SLF2: variants seen among roughly 807,000 people sequenced by gnomAD.
SLF2 encodes SMC5-SMC6 complex localization factor protein 2.
In SLF2, 68 loss-of-function variants were observed where a neutral mutation model predicts 124.3. The ratio of observed to expected loss-of-function variants is 0.55; its 90% confidence interval spans 0.45 to 0.67. The LOEUF is 0.67. Ranked by LOEUF, SLF2 falls within the 30% of genes least tolerant of loss-of-function variation. SLF2 has a pLI of 0.00. For synonymous variants in SLF2, 480 were observed against 478.8 expected (o/e 1.00, Z -0.03); for missense variants, 1,246 against 1,373.7 (o/e 0.91, Z 1.47).
chr10:100,943,993 T>C (rs761831776), intron 11 of SLF2, 33 bp from the exon 12 acceptor site: 2 of 1,438,130 alleles, frequency 1.4e-6, no homozygotes, highest in Admixed American at 4.2e-5. Context: ...ATTTTGTGCC[T>C]AACTTCACAT....
intron 17 of SLF2, among the ~76,000 whole-genome samples, chr10:100,952,002 G>T (rs1850224006): frequency 6.6e-6 from 1 of 152,156 alleles, no homozygotes; most frequent in Non-Finnish European, 1.5e-5. Flanking sequence ...CCAGCACTTT[G>T]GGAGGGTGCG....
intron 1 of SLF2, chr10:100,913,461 A>C (rs1300800056): frequency 1.5e-6 from 2 of 1,315,440 alleles, no homozygotes; most frequent in East Asian, 3.1e-5. Context: ...CTCTTGGTCT[A>C]GTGACCACCA....
chr10:100,923,028 G>A (rs924261084), intron 4 of SLF2, among the ~76,000 whole-genome samples: 9 of 151,920 alleles, frequency 5.9e-5, no homozygotes, highest in Admixed American at 1.3e-4. Flanking sequence ...TGCCCACTCC[G>A]GCCTCCCAAA....
chr10:100,955,088 C>T (rs1398016137), intron 17 of SLF2, among the ~76,000 whole-genome samples: 2 of 151,786 alleles, frequency 1.3e-5, no homozygotes, highest in African/African-American at 2.4e-5. Context: ...TACAGGTACC[C>T]GCCACCACGC....
intron 9 of SLF2, among the ~76,000 whole-genome samples, chr10:100,935,305 G>T (rs1392955088): frequency 6.6e-6 from 1 of 152,078 alleles, no homozygotes; most frequent in Non-Finnish European, 1.5e-5. Context: ...TGAGGCAGGA[G>T]AATCGCTTGA....
chr10:100,922,148 A>G (rs564869155), intron 4 of SLF2, among the ~76,000 whole-genome samples: 42 of 152,198 alleles, frequency 2.8e-4, no homozygotes, highest in Non-Finnish European at 5.3e-4. Flanking sequence ...CAATGGCACA[A>G]TTACAGCTCA....
chr10:100,926,070 T>C (rs748755179), intron 6 of SLF2, 51 bp downstream of exon 6: 5 of 1,614,066 alleles, frequency 3.1e-6, no homozygotes, highest in Non-Finnish European at 4.2e-6. Context: ...TGCTTGTTTG[T>C]GTGGCTTACT....
At chr10:100,923,158 G>A (rs1849551026) in intron 4 of SLF2, among the ~76,000 whole-genome samples, 1 of 152,140 alleles carries the variant, frequency 6.6e-6, no homozygotes, top group Admixed American at 6.5e-5. Flanking sequence ...AATAAATATA[G>A]CTTATATTAG....
At chr10:100,923,345 C>G (rs1347353495) in intron 4 of SLF2, among the ~76,000 whole-genome samples, 1 of 152,130 alleles carries the variant, frequency 6.6e-6, no homozygotes, top group Non-Finnish European at 1.5e-5. Flanking sequence ...TGGTGTTTGC[C>G]TGCAATCTTT....
Position 100,962,111 on chromosome 10 carries a change from G to T in SLF2, c.*199G>T. 1 of 471,180 alleles carries T rather than the reference G, an allele frequency of 2.1e-6. No homozygotes were observed. Among genetic ancestry groups the T allele is most frequent in the Non-Finnish European group, 3.7e-6 (1 of 268,630 alleles). 29.2% of individuals were successfully genotyped at this position (471,180 alleles called of 1,614,324 possible). The stretch of plus-strand genomic sequence containing the variant: ...GATATGAAATATGATCTGCTTAATT[G>T]TTAAGGCAACTGACCTTTCAAAAGT... On this transcript the variant is annotated 3_prime_UTR_variant, in exon 20 of 20. Coordinates refer to ENST00000238961, the MANE Select transcript of SLF2 (RefSeq NM_018121.4).
Position 100,935,138 on chromosome 10 carries a change from G to T in SLF2, c.2437-2264G>T, listed in dbSNP as rs568363629. Reference sequence around the variant, plus strand: ...AGGCGGGGCGTGATGGCTCATGCCTGTAATCCCAGCACTTTGGAAGGCCAA... The same window carrying T: ...AGGCGGGGCGTGATGGCTCATGCCTTTAATCCCAGCACTTTGGAAGGCCAA... On this transcript the variant is annotated intron_variant, in intron 9 of 19. Coordinates refer to ENST00000238961, the MANE Select transcript of SLF2 (RefSeq NM_018121.4). Among the ~76,000 whole-genome samples the T allele has an allele frequency of 2.0e-5, 3 of 152,072 alleles. No individual in the cohort carries two copies. The South Asian group carries it at 6.2e-4, about 32-fold the overall frequency.
intron 18 of SLF2, among the ~76,000 whole-genome samples, chr10:100,958,542 T>C (rs1430969217): frequency 2.0e-5 from 3 of 152,216 alleles, no homozygotes; most frequent in South Asian, 2.1e-4. Flanking sequence ...CACAGATTGT[T>C]GCCAGTGCTT....
In SLF2 at chr10:100,953,461, T is replaced by TA. The variant is rs761648681; in HGVS notation, c.3330+2722dup. ...CAGCCTGGGCAATGCCATCTCTGTT[T>TA]AAAAAAAAAAAAAATTTAGTGATTA... is the stretch of plus-strand genomic sequence containing the variant. On this transcript the variant is annotated intron_variant, in intron 17 of 19. Transcript: ENST00000238961. Among the ~76,000 whole-genome samples the TA allele has an allele frequency of 9.5e-3, 1,362 of 143,246 alleles. 18 individuals are homozygous for TA. Among genetic ancestry groups the TA allele is most frequent in the East Asian group, 0.079 (388 of 4,882 alleles). The allele number at this position is 143,246 out of a possible 152,430, so 94.0% of individuals were successfully genotyped here. A position where few individuals can be genotyped will look rare whatever the true frequency, so the allele number is the denominator to read the frequency against.
chr10:100,949,630 C>T (rs1214399664), intron 15 of SLF2, among the ~76,000 whole-genome samples: 2 of 150,494 alleles, frequency 1.3e-5, no homozygotes. Flanking sequence ...TAGTATTGCT[C>T]TGTCACCCAG....
At chr10:100,947,657 C>T (rs1850129597) in intron 14 of SLF2, 103 bp from the exon 15 acceptor site, 3 of 716,846 alleles carry the variant, frequency 4.2e-6, no homozygotes, top group Non-Finnish European at 4.7e-6. Context: ...GAAACATTGC[C>T]TATATTTCCA....
chr10:100,926,375 A>G, intron 6 of SLF2: 12 of 1,168,594 alleles, frequency 1.0e-5, no homozygotes, highest in Non-Finnish European at 1.4e-5. Context: ...AGGCCAAAGC[A>G]GGCAAATCTC....
rs1206194924 is a variant in SLF2 at position 100,913,147 on chromosome 10, C to G, written c.37C>G (p.Pro13Ala). 2.5e-6 allele frequency: 4 copies of G among 1,613,446 alleles called. No individual in the cohort carries two copies. In the South Asian group the frequency reaches 4.4e-5, roughly 18 times the overall value. The change falls in exon 1 of 20, where the codon CCC (proline) becomes GCC (alanine). Residue 13 changes from proline to alanine, a missense_variant. Pro to Ala is a conservative substitution (Grantham distance 27). Coordinates refer to ENST00000238961, the MANE Select transcript of SLF2 (RefSeq NM_018121.4). ...CTGCATGCCCGCTAGGCCAGGTTTC[C>G]CCTCATCCCCAGCCCCGGGGTCGTC... ...RRCMPARPGF[P>A]SSPAPGSSPP...
At chr10:100,918,723 G>A (rs960732658) in intron 4 of SLF2, among the ~76,000 whole-genome samples, 2 of 151,982 alleles carry the variant, frequency 1.3e-5, no homozygotes, top group African/African-American at 2.4e-5. Flanking sequence ...TCCTGGCCTC[G>A]AATGATTCTC....
Position 100,924,057 on chromosome 10 carries a change from G to A in SLF2, c.1056G>A (p.Met352Ile), listed in dbSNP as rs1298121303. The part of the protein sequence containing the change: ...DSDLKSTRES[M>I]IPKARESFLE... The stretch of plus-strand genomic sequence containing the variant: ...ATCTGAAAAGCACAAGAGAATCTAT[G>A]ATACCAAAAGCAAGAGAGTCCTTCC... The change falls in exon 5 of 20, where the codon ATG (methionine) becomes ATA (isoleucine). Residue 352 changes from methionine (M) to isoleucine (I), a missense_variant. Physicochemically the swap from Met to Ile is conservative, Grantham distance 10. Coordinates refer to ENST00000238961, the MANE Select transcript of SLF2 (RefSeq NM_018121.4). 2 of 1,609,052 alleles carry A rather than the reference G, an allele frequency of 1.2e-6. No homozygotes were observed. The highest frequency in any genetic ancestry group is 1.7e-4 in the Middle Eastern group (1 of 6,020).
Sources: gnomAD v4.1 joint callset for allele counts (sites outside exome capture counted in the v4.1 genomes callset) on GRCh38, gnomAD v4.1.1 for gene constraint, MANE v1.5 for transcripts, NCBI Gene and HGNC (gene_info 2026-07-23, HGNC 2026-07-21) for gene names.